FAM200B: variants seen among roughly 807,000 people sequenced by gnomAD.
FAM200B encodes zinc finger BED-type containing 11.
A neutral mutation model predicts 33.1 loss-of-function variants in FAM200B; 32 were observed. The ratio of observed to expected loss-of-function variants is 0.97; its 90% CI spans 0.73 to 1.30. The LOEUF is 1.30. FAM200B is among the 50% of genes most tolerant of loss of function. FAM200B has a pLI of 0.00. For missense variants in FAM200B, 741 were observed against 754.0 expected (o/e 0.98, Z 0.20); for synonymous variants, 240 against 264.8 (o/e 0.91, Z 0.91).
chr4:15,646,548 A>T, the FAM200B span, among the ~76,000 whole-genome samples: 150,837 of 151,610 alleles, frequency 0.99, 75,037 homozygotes, highest in South Asian at 1. Flanking sequence ...AATATTTTTT[A>T]TTATTATTAT....
the FAM200B span, among the ~76,000 whole-genome samples, chr4:15,672,675 G>A: frequency 6.6e-6 from 1 of 152,146 alleles, no homozygotes; most frequent in Non-Finnish European, 1.5e-5. Context: ...GAAAGTGAAG[G>A]CCTAGGACAT....
At chr4:15,653,155 T>C in the FAM200B span, among the ~76,000 whole-genome samples, 8 of 152,196 alleles carry the variant, frequency 5.3e-5, no homozygotes, top group African/African-American at 1.9e-4. Context: ...AATTGGACTT[T>C]TAATCTTCGT....
upstream of FAM200B, among the ~76,000 whole-genome samples, chr4:15,677,762 A>G (rs1017299061): frequency 1.3e-5 from 2 of 152,200 alleles, no homozygotes; most frequent in African/African-American, 2.4e-5. Context: ...AGTAGTAAAT[A>G]TAGTGCTTTC....
chr4:15,640,734 A>T, the FAM200B span: 1 of 991,248 alleles, frequency 1.0e-6, no homozygotes, highest in South Asian at 1.5e-5. Context: ...CTAAAGCAAA[A>T]TAGTATTTTA....
chr4:15,684,857 T>A (rs1164007253), intron 1 of FAM200B: 1 of 152,224 alleles, frequency 6.6e-6, no homozygotes, highest in Non-Finnish European at 1.5e-5. Flanking sequence ...CAGCCAAGGT[T>A]AACTATTTGT....
At chr4:15,649,574 G>A in the FAM200B span, among the ~76,000 whole-genome samples, 182 of 101,012 alleles carry the variant, frequency 1.8e-3, no homozygotes, top group Non-Finnish European at 2.8e-3. Context: ...GCAAGACTAC[G>A]TCTCAAAAAA....
chr4:15,649,432 A>G, the FAM200B span, among the ~76,000 whole-genome samples: 1 of 152,002 alleles, frequency 6.6e-6, no homozygotes, highest in Non-Finnish European at 1.5e-5. Context: ...TACAAAAATT[A>G]GTTGGGCGTG....
chr4:15,658,075 A>G, the FAM200B span, among the ~76,000 whole-genome samples: 4 of 152,226 alleles, frequency 2.6e-5, no homozygotes, highest in Non-Finnish European at 5.9e-5. Context: ...TCTGTTATCA[A>G]TAGGCCTCTT....
upstream of FAM200B, among the ~76,000 whole-genome samples, chr4:15,679,441 T>C (rs1718119233): frequency 6.6e-6 from 1 of 152,102 alleles, no homozygotes; most frequent in African/African-American, 2.4e-5. Context: ...CCAAGTCTCT[T>C]GTTTTTGAAT....
At chr4:15,656,164 A>C in the FAM200B span, 1 of 456,076 alleles carries the variant, frequency 2.2e-6, no homozygotes, top group South Asian at 1.5e-5. Flanking sequence ...TTGGTGCGGG[A>C]AAGAACCTTG....
Position 15,687,280 on chromosome 4 carries a change from G to A in FAM200B, c.303G>A (p.Ser101=), listed in dbSNP as rs145934164. 0.022 allele frequency: 33,765 copies of A among 1,547,356 alleles called. 448 individuals carry two copies. Among genetic ancestry groups the A allele is most frequent in the Non-Finnish European group, 0.026 (29,668 of 1,145,132 alleles). The change falls in exon 2 of 2, where the codon TCG becomes TCA. Residue 101 remains serine, a synonymous_variant. Coordinates refer to ENST00000422728, the MANE Select transcript of FAM200B (RefSeq NM_001145191.2). ...TTGCGAATGAAAGCTTAAAACCTTC[G>A]AAATTAAAAAGGCACTTAGAAACTC... ...NILANESLKP[S]KLKRHLETQH... is the part of the protein sequence containing the mutation.
At chr4:15,674,202 GTGT>G in the FAM200B span, among the ~76,000 whole-genome samples, 2 of 129,988 alleles carry the variant, frequency 1.5e-5, no homozygotes, top group Non-Finnish European at 3.3e-5. Context: ...CAAATGCATC[GTGT>G]TTTTTTTTTT....
At position 15,686,827 on chromosome 4, in the gene FAM200B, A is replaced by G. The variant is rs373732370; in HGVS notation, c.-151A>G. ...AAGTTTTATATTACAATTACTTGCA[A>G]CTAGTTGTGAAGTCTGAAATATTCG... is the stretch of plus-strand genomic sequence containing the variant. On this transcript the variant is annotated 5_prime_UTR_variant, in exon 2 of 2. Coordinates refer to ENST00000422728, the MANE Select transcript of FAM200B (RefSeq NM_001145191.2). The G allele has an allele frequency of 2.2e-6, 1 of 447,822 alleles. No homozygotes were observed. Among genetic ancestry groups the G allele is most frequent in the Middle Eastern group, 6.0e-4 (1 of 1,662 alleles). 27.7% of individuals were successfully genotyped at this position (447,822 alleles called of 1,614,324 possible). A position where few individuals can be genotyped will look rare whatever the true frequency, so the allele number is the denominator to read the frequency against.
chr4:15,650,215 C>A, the FAM200B span, among the ~76,000 whole-genome samples: 4 of 152,206 alleles, frequency 2.6e-5, no homozygotes, highest in African/African-American at 9.6e-5. Context: ...AAAAAGAAAT[C>A]ATCTGCCTCA....
At chr4:15,661,640 T>TC in the FAM200B span, among the ~76,000 whole-genome samples, 1 of 152,238 alleles carries the variant, frequency 6.6e-6, no homozygotes, top group East Asian at 1.9e-4. Flanking sequence ...GTCTTTTTTT[T>TC]CTCTTTTTCT....
the FAM200B span, chr4:15,659,786 A>T: frequency 2.1e-6 from 2 of 969,302 alleles, no homozygotes; most frequent in South Asian, 9.5e-5. Flanking sequence ...TTGATTTTCA[A>T]CCAGAGGCTC....
chr4:15,649,737 A>G, the FAM200B span, among the ~76,000 whole-genome samples: 1 of 152,236 alleles, frequency 6.6e-6, no homozygotes, highest in East Asian at 1.9e-4. Flanking sequence ...GTTCTAGGAC[A>G]TACGGAAGGA....
chr4:15,673,286 A>G, the FAM200B span, among the ~76,000 whole-genome samples: 1 of 151,106 alleles, frequency 6.6e-6, no homozygotes, highest in South Asian at 2.1e-4. Context: ...CAAAAAATAC[A>G]AAAAATTAGC....
chr4:15,648,371 C>T, the FAM200B span, among the ~76,000 whole-genome samples: 3 of 152,074 alleles, frequency 2.0e-5, no homozygotes, highest in Non-Finnish European at 2.9e-5. Context: ...TCCAGCAATC[C>T]CATTCCTGAG....
Sources: allele counts gnomAD v4.1 joint callset (sites outside exome capture counted in the v4.1 genomes callset), GRCh38; gene constraint gnomAD v4.1.1; transcripts MANE v1.5; gene names NCBI Gene and HGNC (gene_info 2026-07-23, HGNC 2026-07-21).